ZNF704: variants seen among roughly 807,000 people sequenced by gnomAD.
ZNF704 encodes the protein glucocorticoid induced gene 1.
A neutral mutation model predicts 44.7 loss-of-function variants in ZNF704; 10 were observed. The ratio of observed to expected loss-of-function variants is 0.22; its 90% CI spans 0.14 to 0.38. The LOEUF (loss-of-function observed/expected upper bound fraction) is 0.38, where lower values mean the gene tolerates loss of function less well. Among genes scored for constraint, ZNF704 ranks in the 10% least tolerant of loss-of-function variants. The pLI is 1.00. For missense variants in ZNF704, 390 were observed against 545.5 expected, an observed-to-expected ratio of 0.71 and a Z score of 2.84; for synonymous variants, 211 against 207.6, an observed-to-expected ratio of 1.02 and a Z score of -0.14.
intron 2 of ZNF704, among the ~76,000 whole-genome samples, chr8:80,772,934 G>A (rs1231264163): frequency 6.6e-6 from 1 of 152,068 alleles, no homozygotes; most frequent in Non-Finnish European, 1.5e-5. Flanking sequence ...TACAAATTTT[G>A]ATATGCTACA....
intron 1 of ZNF704, among the ~76,000 whole-genome samples, chr8:80,824,762 C>T (rs1472737030): frequency 6.6e-6 from 1 of 152,108 alleles, no homozygotes; most frequent in Non-Finnish European, 1.5e-5. Flanking sequence ...AGAGTGGGAG[C>T]CAATATCCAA....
In ZNF704 at chr8:80,762,129, T is replaced by C. The variant is rs116864878; in HGVS notation, c.221+59245A>G. On this transcript the variant is annotated intron_variant, in intron 2 of 8. Coordinates refer to ENST00000327835, the MANE Select transcript of ZNF704 (RefSeq NM_001033723.3). ...GGCCAAAAAAAAGCATAAAATGAAT[T>C]AGATGTCTCTAAAAATCTTGACACA... Among the ~76,000 whole-genome samples the C allele has an allele frequency of 3.9e-4, 60 of 152,324 alleles. 2 individuals are homozygous for C. The East Asian group carries it at 7.9e-3, about 20-fold the overall frequency.
Position 80,634,922 on chromosome 8 carries a change from G to T in ZNF704, c.*6444C>A, listed in dbSNP as rs1276547186. The T allele has an allele frequency of 1.3e-5, 2 of 152,148 alleles. No homozygotes were observed. Among genetic ancestry groups the T allele is most frequent in the African/African-American group, 4.8e-5 (2 of 41,422 alleles). 9.4% of individuals were successfully genotyped at this position (152,148 alleles called of 1,614,324 possible). On this transcript the variant is annotated 3_prime_UTR_variant, in exon 9 of 9. Coordinates refer to ENST00000327835, the MANE Select transcript of ZNF704 (RefSeq NM_001033723.3). ...TTCCAAGGAGTGAAAACAGAGATTT[G>T]CAAGACGCCTCATCTCAAAGACTAG...
chr8:80,680,390 G>A (rs557623329), intron 4 of ZNF704, among the ~76,000 whole-genome samples: 2 of 142,150 alleles, frequency 1.4e-5, no homozygotes, highest in South Asian at 4.5e-4. Flanking sequence ...ATTGTGACTT[G>A]TGTGTGTGGT....
At chr8:80,834,001 C>T (rs1310629212) in intron 1 of ZNF704, among the ~76,000 whole-genome samples, 2 of 152,140 alleles carry the variant, frequency 1.3e-5, no homozygotes, top group African/African-American at 2.4e-5. Context: ...GAGGTCCTAT[C>T]TATCTTGAGC....
upstream of ZNF704, among the ~76,000 whole-genome samples, chr8:80,879,186 C>A (rs983421952): frequency 6.6e-6 from 1 of 151,946 alleles, no homozygotes. Flanking sequence ...GCCAAATACC[C>A]ATTATTAAAA....
chr8:80,794,099 A>C (rs1294531559), intron 2 of ZNF704, among the ~76,000 whole-genome samples: 2 of 152,172 alleles, frequency 1.3e-5, no homozygotes, highest in Non-Finnish European at 2.9e-5. Flanking sequence ...AGTTGGACAA[A>C]ATTAAGAGGT....
At chr8:80,692,980 C>T in intron 3 of ZNF704, 24 bp downstream of exon 3, 1 of 1,610,590 alleles carries the variant, frequency 6.2e-7, no homozygotes, top group Non-Finnish European at 8.5e-7. Context: ...GGGCCCTTCC[C>T]TAAGTCCCAT....
At position 80,708,486 on chromosome 8, in the gene ZNF704, G is replaced by A. The variant is rs11994174; in HGVS notation, c.222-15379C>T. Among the ~76,000 whole-genome samples, 1,076 of 152,352 alleles carry A rather than the reference G, an allele frequency of 7.1e-3. 12 individuals are homozygous for A. The highest frequency in any genetic ancestry group is 0.024 in the African/African-American group (999 of 41,580). The stretch of plus-strand genomic sequence containing the variant: ...AAGTCCACAGTCCAGAGAAAGCAAA[G>A]CATTTGCAGCTACTATTTAACATTT... On this transcript the variant is annotated intron_variant, in intron 2 of 8. Transcript: ENST00000327835.
chr8:80,641,522 T>C (rs896365265), intron 8 of ZNF704, 45 bp from the exon 9 acceptor site: 2 of 1,298,010 alleles, frequency 1.5e-6, no homozygotes, highest in African/African-American at 1.5e-5. Flanking sequence ...AGGAATTCAA[T>C]GGGCATTCTA....
intron 1 of ZNF704, among the ~76,000 whole-genome samples, chr8:80,830,868 C>T (rs1231835304): frequency 6.6e-6 from 1 of 150,542 alleles, no homozygotes; most frequent in Non-Finnish European, 1.5e-5. Flanking sequence ...AGCAATTCTC[C>T]TGCCTCAGCC....
chr8:80,801,337 C>A (rs1807896263), intron 2 of ZNF704, among the ~76,000 whole-genome samples: 1 of 152,144 alleles, frequency 6.6e-6, no homozygotes, highest in Admixed American at 6.6e-5. Context: ...ATATACAAAA[C>A]TCTCCACTAC....
chr8:80,727,432 T>C (rs1047338120), intron 2 of ZNF704, among the ~76,000 whole-genome samples: 1 of 151,898 alleles, frequency 6.6e-6, no homozygotes, highest in Non-Finnish European at 1.5e-5. Flanking sequence ...TTTTTGTTTT[T>C]GTTTTTTTTT....
chr8:80,662,189 C>A (rs1289132363), intron 6 of ZNF704, among the ~76,000 whole-genome samples: 1 of 152,024 alleles, frequency 6.6e-6, no homozygotes, highest in Non-Finnish European at 1.5e-5. Context: ...TGCAACAGAT[C>A]CCTTTTAAAA....
At chr8:80,800,549 T>C (rs1011420307) in intron 2 of ZNF704, among the ~76,000 whole-genome samples, 3 of 152,062 alleles carry the variant, frequency 2.0e-5, no homozygotes, top group African/African-American at 7.2e-5. Context: ...GAATGTCACA[T>C]CCGGCCAAAT....
chr8:80,875,173 C>T (rs544558052), upstream of ZNF704, among the ~76,000 whole-genome samples: 91 of 152,240 alleles, frequency 6.0e-4, no homozygotes, highest in Non-Finnish European at 1.1e-3. Context: ...AAATCAAGCA[C>T]ATAACATGAC....
chr8:80,667,587 C>T (rs768591431), intron 5 of ZNF704, among the ~76,000 whole-genome samples: 29 of 152,314 alleles, frequency 1.9e-4, no homozygotes, highest in Middle Eastern at 3.4e-3. Flanking sequence ...ACCTCTTTGT[C>T]GCTTCACTAT....
chr8:80,781,640 G>A (rs190242182), intron 2 of ZNF704, among the ~76,000 whole-genome samples: 408 of 152,250 alleles, frequency 2.7e-3, no homozygotes, highest in Admixed American at 4.7e-3. Context: ...CGAACCAGCC[G>A]GAGAGAAAGG....
Position 80,687,224 on chromosome 8 carries a change from A to G in ZNF704, c.558+2T>C. On this transcript the variant is annotated splice_donor_variant, in intron 4 of 8. Transcript: ENST00000327835. LOFTEE classifies it high-confidence loss of function. ...CAGAAGACCGCGTGGCTGACCACCA[A>G]CCTTTCTTTTCCTGGGAATGGGCTC... The G allele has an allele frequency of 6.2e-7, 1 of 1,609,082 alleles. No homozygotes were observed. The highest frequency in any genetic ancestry group is 8.5e-7 in the Non-Finnish European group (1 of 1,176,952).
Sources: gnomAD v4.1 joint callset for allele counts (sites outside exome capture counted in the v4.1 genomes callset) on GRCh38, gnomAD v4.1.1 for gene constraint, MANE v1.5 for transcripts, NCBI Gene and HGNC (gene_info 2026-07-23, HGNC 2026-07-21) for gene names.